Variants in CEP112 observed in about 807,000 individuals in gnomAD.
The protein encoded by CEP112 is centrosomal protein 112, also known as centrosomal protein of 112 kDa.
In CEP112, 127 loss-of-function variants were observed where a neutral mutation model predicts 153.0. That is an observed-to-expected ratio of 0.83 (90% CI 0.72 to 0.96). The LOEUF is 0.96. Among genes scored for constraint, CEP112 ranks in the 40% least tolerant of loss-of-function variants. The probability of loss-of-function intolerance (pLI) is 0.00; values close to 1 mark genes in which losing one functional copy is unlikely to be tolerated. For missense variants in CEP112, 1,089 were observed against 1,101.2 expected (o/e 0.99, Z 0.16); for synonymous variants, 358 against 374.4 (o/e 0.96, Z 0.51).
intron 23 of CEP112, among the ~76,000 whole-genome samples, chr17:65,726,728 A>C (rs2050204966): frequency 6.6e-6 from 1 of 152,188 alleles, no homozygotes. Context: ...ATATAAAATA[A>C]AAAATGGAAA....
chr17:65,965,289 T>C (rs1014830400), intron 17 of CEP112, among the ~76,000 whole-genome samples: 3 of 152,184 alleles, frequency 2.0e-5, no homozygotes, highest in Non-Finnish European at 2.9e-5. Context: ...TTGTTTTCAA[T>C]TGATCATTTC....
At chr17:65,665,071 C>T (rs1179246644) in intron 24 of CEP112, among the ~76,000 whole-genome samples, 1 of 152,230 alleles carries the variant, frequency 6.6e-6, no homozygotes, top group Non-Finnish European at 1.5e-5. Context: ...TTCCAAAGGC[C>T]CCATCTCCGA....
chr17:65,969,765 T>C (rs182241666), intron 17 of CEP112, among the ~76,000 whole-genome samples: 2 of 152,360 alleles, frequency 1.3e-5, no homozygotes, highest in East Asian at 3.9e-4. Flanking sequence ...TTATTACATG[T>C]AAATCACATA....
intron 19 of CEP112, among the ~76,000 whole-genome samples, chr17:65,916,900 T>C (rs1413910417): frequency 1.3e-5 from 2 of 151,896 alleles, no homozygotes; most frequent in Non-Finnish European, 2.9e-5. Flanking sequence ...TGTTTTAACC[T>C]AGATGAGAAC....
chr17:66,112,338 C>T (rs2069092961), intron 6 of CEP112, among the ~76,000 whole-genome samples: 1 of 151,398 alleles, frequency 6.6e-6, no homozygotes, highest in Admixed American at 6.6e-5. Context: ...GATGTCAATA[C>T]ACTTGAGAAA....
At chr17:66,057,087 G>C (rs2066721632) in intron 11 of CEP112, among the ~76,000 whole-genome samples, 2 of 152,110 alleles carry the variant, frequency 1.3e-5, no homozygotes, top group Admixed American at 6.6e-5. Flanking sequence ...GGAAACACTA[G>C]AGTGATTTAA....
At chr17:65,773,650 C>CCCTATCA (rs201419376) in intron 21 of CEP112, among the ~76,000 whole-genome samples, 2,884 of 152,240 alleles carry the variant, frequency 0.019, 101 homozygotes, top group African/African-American at 0.067. Context: ...TAATCTATCA[C>CCCTATCA]CGCATGTAGC....
rs560385480 is a variant in CEP112, at chr17:66,112,829, C to T, written c.643-16197G>A. Among the ~76,000 whole-genome samples, 12 of 152,284 alleles carry T rather than the reference C, an allele frequency of 7.9e-5. No individual in the cohort carries two copies. In the South Asian group the frequency reaches 2.5e-3, roughly 32 times the overall value. On this transcript the variant is annotated intron_variant, in intron 6 of 26. Transcript: ENST00000535342. Reference sequence around the variant, plus strand: ...AGCATGGTGGTGCACACCTGTAATCCTAGCTACTTCAGAGGCTGAGGCAGG... The same window carrying T: ...AGCATGGTGGTGCACACCTGTAATCTTAGCTACTTCAGAGGCTGAGGCAGG...
At chr17:65,865,939 C>A (rs1414142974) in intron 20 of CEP112, among the ~76,000 whole-genome samples, 1 of 152,126 alleles carries the variant, frequency 6.6e-6, no homozygotes, top group Non-Finnish European at 1.5e-5. Context: ...CTCTACACAG[C>A]CGGTGGGAGC....
intron 20 of CEP112, among the ~76,000 whole-genome samples, chr17:65,875,142 A>G (rs16962954): frequency 0.017 from 2,553 of 152,174 alleles, 70 homozygotes; most frequent in African/African-American, 0.059. Context: ...TGTCTTTTAA[A>G]TATCTCCAAA....
At chr17:66,133,502 A>G (rs118145414) in intron 4 of CEP112, among the ~76,000 whole-genome samples, 5,186 of 152,316 alleles carry the variant, frequency 0.034, 131 homozygotes, top group Middle Eastern at 0.061. Flanking sequence ...TGTGAAATGC[A>G]GAGTAAGTAG....
At chr17:66,186,689 G>T (rs531688664) in intron 1 of CEP112, among the ~76,000 whole-genome samples, 1 of 152,186 alleles carries the variant, frequency 6.6e-6, no homozygotes, top group East Asian at 1.9e-4. Flanking sequence ...TGCTCTACAG[G>T]GTTGCTGGGA....
At chr17:66,034,845 T>G (rs920687407) in intron 12 of CEP112, among the ~76,000 whole-genome samples, 3 of 150,752 alleles carry the variant, frequency 2.0e-5, no homozygotes, top group Admixed American at 1.3e-4. Context: ...TCTCACTCTG[T>G]CGCCCAGGCT....
intron 4 of CEP112, among the ~76,000 whole-genome samples, chr17:66,153,954 G>A (rs1393762208): frequency 1.3e-5 from 2 of 149,812 alleles, no homozygotes; most frequent in Non-Finnish European, 2.9e-5. Flanking sequence ...CTTGAGGTCA[G>A]GAGTTCGAGA....
intron 12 of CEP112, among the ~76,000 whole-genome samples, chr17:66,046,922 C>T (rs2066235933): frequency 6.6e-6 from 1 of 152,088 alleles, no homozygotes; most frequent in African/African-American, 2.4e-5. Context: ...CCAGAACCTT[C>T]AAGAAAAGCA....
intron 19 of CEP112, among the ~76,000 whole-genome samples, chr17:65,925,626 G>A (rs998861128): frequency 3.9e-5 from 6 of 152,034 alleles, no homozygotes; most frequent in African/African-American, 4.8e-5. Flanking sequence ...GTTTGCAATC[G>A]TAGTCAGCAT....
rs142448965 is a variant in CEP112, at chr17:65,683,347, G to T, written c.2697+5782C>A. On this transcript the variant is annotated intron_variant, in intron 24 of 26. Coordinates refer to ENST00000535342, the MANE Select transcript of CEP112 (RefSeq NM_001199165.4). ...TTAAAATAATTTATGAGTCACTTGT[G>T]CCTGCACAGTCCAGACCTTTAATGC... is the stretch of plus-strand genomic sequence containing the variant. Among the ~76,000 whole-genome samples the T allele has an allele frequency of 3.6e-3, 542 of 152,312 alleles. 7 individuals are homozygous for T. The highest frequency in any genetic ancestry group is 0.012 in the African/African-American group (518 of 41,580).
At chr17:66,130,891 A>G (rs2070131267) in intron 5 of CEP112, among the ~76,000 whole-genome samples, 1 of 151,966 alleles carries the variant, frequency 6.6e-6, no homozygotes, top group Admixed American at 6.6e-5. Context: ...TATCAGCCCC[A>G]GATGAAAACT....
chr17:65,923,264 G>A (rs192796842), intron 19 of CEP112, among the ~76,000 whole-genome samples: 4 of 152,216 alleles, frequency 2.6e-5, no homozygotes, highest in East Asian at 1.9e-4. Context: ...CAGCTCTATC[G>A]TCTACCTTTT....
Sources: allele counts gnomAD v4.1 joint callset (sites outside exome capture counted in the v4.1 genomes callset), GRCh38; gene constraint gnomAD v4.1.1; transcripts MANE v1.5; gene names NCBI Gene and HGNC (gene_info 2026-07-23, HGNC 2026-07-21).